Variants in CNTN6 observed in about 807,000 individuals in gnomAD.
The protein encoded by CNTN6 is contactin-6.
In CNTN6, 137 loss-of-function variants were observed where a neutral mutation model predicts 122.8. The ratio of observed to expected loss-of-function variants is 1.12; its 90% confidence interval spans 0.97 to 1.29. The LOEUF (loss-of-function observed/expected upper bound fraction) is 1.29. Among genes scored for constraint, CNTN6 ranks in the 50% most tolerant of loss-of-function variants. The pLI is 0.00. For missense variants in CNTN6, 1,634 were observed against 1,223.4 expected (o/e 1.34, Z -5.01); for synonymous variants, 570 against 426.0 (o/e 1.34, Z -4.16).
intron 19 of CNTN6, among the ~76,000 whole-genome samples, chr3:1,384,348 A>C (rs1016322212): frequency 2.7e-5 from 4 of 147,252 alleles, no homozygotes; most frequent in African/African-American, 8.2e-5. Context: ...ACCATGGAAG[A>C]ATTTCATTGA....
chr3:1,133,110 C>T (rs2092383675), intron 1 of CNTN6, among the ~76,000 whole-genome samples: 1 of 151,960 alleles, frequency 6.6e-6, no homozygotes, highest in Admixed American at 6.6e-5. Flanking sequence ...AGGAGACGTG[C>T]CGCAAATATT....
chr3:1,123,414 C>T (rs565096009), intron 1 of CNTN6, among the ~76,000 whole-genome samples: 11 of 151,276 alleles, frequency 7.3e-5, no homozygotes, highest in African/African-American at 2.4e-4. Flanking sequence ...TGCTATTATA[C>T]GTTGATGTTT....
intron 1 of CNTN6, among the ~76,000 whole-genome samples, chr3:1,126,520 T>A (rs2092166042): frequency 6.6e-6 from 1 of 151,874 alleles, no homozygotes; most frequent in Non-Finnish European, 1.5e-5. Context: ...TCTTCATACT[T>A]ATCACAATCT....
intron 5 of CNTN6, among the ~76,000 whole-genome samples, chr3:1,281,623 A>G (rs1166698137): frequency 6.6e-6 from 1 of 151,912 alleles, no homozygotes; most frequent in Admixed American, 6.6e-5. Flanking sequence ...TGCCACCATG[A>G]ACACCTAATT....
chr3:1,116,185 C>T (rs934549155), intron 1 of CNTN6, among the ~76,000 whole-genome samples: 8 of 152,008 alleles, frequency 5.3e-5, no homozygotes, highest in Admixed American at 5.2e-4. Context: ...GGAGAGTCAA[C>T]AAGGAGAAGG....
intron 2 of CNTN6, among the ~76,000 whole-genome samples, chr3:1,191,610 G>C (rs1383255747): frequency 6.6e-6 from 1 of 152,136 alleles, no homozygotes. Context: ...TAAGGTTACA[G>C]CAAATTATCT....
chr3:1,222,589 A>G (rs2094222850), intron 3 of CNTN6, among the ~76,000 whole-genome samples: 1 of 152,166 alleles, frequency 6.6e-6, no homozygotes, highest in Non-Finnish European at 1.5e-5. Context: ...TGAAGGCAAC[A>G]GTTTTCAATG....
intron 7 of CNTN6, among the ~76,000 whole-genome samples, chr3:1,318,177 T>C (rs1700372099): frequency 6.6e-6 from 1 of 151,520 alleles, no homozygotes; most frequent in African/African-American, 2.4e-5. Flanking sequence ...CTTAGTGAGA[T>C]TTTCTTGTCT....
At chr3:1,134,327 A>G (rs1475069699) in intron 1 of CNTN6, among the ~76,000 whole-genome samples, 4 of 152,226 alleles carry the variant, frequency 2.6e-5, no homozygotes, top group Non-Finnish European at 2.9e-5. Flanking sequence ...CTGGTGATAG[A>G]TAGTAGGGCT....
At position 1,098,806 on chromosome 3, in the gene CNTN6, ATATATATATATAGT is replaced by A. The variant is rs1168222684; in HGVS notation, c.-83+5687_-83+5700del. Among the ~76,000 whole-genome samples the A allele has an allele frequency of 9.5e-4, 126 of 132,314 alleles. 1 individual carries two copies. The highest frequency in any genetic ancestry group is 4.0e-3 in the African/African-American group (122 of 30,810). 86.8% of individuals were successfully genotyped at this position (132,314 alleles called of 152,430 possible). On this transcript the variant is annotated intron_variant, in intron 1 of 22. Transcript: ENST00000446702. ...CACACACACATATATATATATATAT[ATATATATATATAGT>A]GGGAAATTTTAAGTATTCAGGTAAG...
intron 4 of CNTN6, among the ~76,000 whole-genome samples, chr3:1,236,211 T>G (rs925682384): frequency 2.6e-5 from 4 of 151,204 alleles, no homozygotes; most frequent in African/African-American, 9.8e-5. Context: ...CTGAATACTT[T>G]TGCATCCTCC....
intron 2 of CNTN6, among the ~76,000 whole-genome samples, chr3:1,199,510 C>A (rs984984754): frequency 2.6e-5 from 4 of 151,928 alleles, no homozygotes; most frequent in Non-Finnish European, 5.9e-5. Flanking sequence ...CCTAGTTTGC[C>A]AAAATTGGTT....
intron 2 of CNTN6, among the ~76,000 whole-genome samples, chr3:1,174,057 T>A (rs895299719): frequency 3.9e-5 from 6 of 152,212 alleles, no homozygotes; most frequent in African/African-American, 1.4e-4. Context: ...CTACTTAACT[T>A]TGTGCTCATT....
chr3:1,122,274 A>G (rs567070073), intron 1 of CNTN6, among the ~76,000 whole-genome samples: 1 of 150,616 alleles, frequency 6.6e-6, no homozygotes, highest in Non-Finnish European at 1.5e-5. Context: ...AAAGAAAGAG[A>G]GAGAGAGGAA....
Position 1,383,409 on chromosome 3 carries a change from G to T in CNTN6, c.2517+1G>T. 1 of 1,610,118 alleles carries T rather than the reference G, an allele frequency of 6.2e-7. No homozygotes were observed. Among genetic ancestry groups the T allele is most frequent in the Non-Finnish European group, 8.5e-7 (1 of 1,176,638 alleles). On this transcript the variant is annotated splice_donor_variant, in intron 19 of 22. Coordinates refer to ENST00000446702, the MANE Select transcript of CNTN6 (RefSeq NM_001289080.2). LOFTEE classifies it high-confidence loss of function. Reference sequence around the variant, plus strand: ...CACTGGAAGAGTGCTGGGCTATGAGGTAATCCACATTAATTTCACTTTTGC... The same window carrying T: ...CACTGGAAGAGTGCTGGGCTATGAGTTAATCCACATTAATTTCACTTTTGC...
intron 5 of CNTN6, among the ~76,000 whole-genome samples, chr3:1,281,996 A>G (rs1693540392): frequency 6.6e-6 from 1 of 152,004 alleles, no homozygotes. Context: ...ACACACACAC[A>G]CACACACACA....
chr3:1,275,743 A>C (rs957407295), intron 4 of CNTN6, among the ~76,000 whole-genome samples: 10 of 152,176 alleles, frequency 6.6e-5, no homozygotes, highest in African/African-American at 2.2e-4. Context: ...GATCCCTCAC[A>C]TGCGCGGTTC....
intron 1 of CNTN6, among the ~76,000 whole-genome samples, chr3:1,138,521 TG>T (rs1271886510): frequency 6.6e-6 from 1 of 152,150 alleles, no homozygotes; most frequent in African/African-American, 2.4e-5. Flanking sequence ...TGATCTGTTT[TG>T]TTTTTTCTTT....
At chr3:1,120,399 G>C (rs2091905197) in intron 1 of CNTN6, among the ~76,000 whole-genome samples, 1 of 151,776 alleles carries the variant, frequency 6.6e-6, no homozygotes, top group Admixed American at 6.6e-5. Flanking sequence ...TCATTATTCT[G>C]GGTATGAAGT....
Sources: allele counts gnomAD v4.1 joint callset (sites outside exome capture counted in the v4.1 genomes callset), GRCh38; gene constraint gnomAD v4.1.1; transcripts MANE v1.5; gene names NCBI Gene and HGNC (gene_info 2026-07-23, HGNC 2026-07-21).